SMARCA2: variants seen among roughly 807,000 people sequenced by gnomAD.
SMARCA2 encodes the protein SWI/SNF-related matrix-associated actin-dependent regulator of chromatin subfamily A member 2.
SMARCA2 carries 61 observed loss-of-function variants against 199.8 expected under a neutral mutation model. The observed-to-expected ratio is 0.31, with a 90% CI of 0.25 to 0.38. The LOEUF is 0.38. Among genes scored for constraint, SMARCA2 ranks in the 10% least tolerant of loss-of-function variants. The pLI, the probability that SMARCA2 is intolerant of heterozygous loss-of-function variation, is 1.00. For synonymous variants in SMARCA2, 935 were observed against 732.0 expected, an observed-to-expected ratio of 1.28 and a Z score of -4.48; for missense variants, 1,344 against 2,012.2, an observed-to-expected ratio of 0.67 and a Z score of 6.35.
At chr9:2,015,797 C>G (rs546996379) in intron 1 of SMARCA2, among the ~76,000 whole-genome samples, 33 of 152,350 alleles carry the variant, frequency 2.2e-4, no homozygotes, top group Admixed American at 1.2e-3. Context: ...GCGCTGCCAA[C>G]TCAAGGTTGC....
At chr9:2,069,441 C>T (rs952392832) in intron 9 of SMARCA2, among the ~76,000 whole-genome samples, 9 of 151,600 alleles carry the variant, frequency 5.9e-5, no homozygotes, top group East Asian at 2.0e-4. Flanking sequence ...CGCCTGTAGT[C>T]CCAGCTACTT....
At chr9:2,132,910 C>T (rs1011160902) in intron 27 of SMARCA2, among the ~76,000 whole-genome samples, 2 of 152,134 alleles carry the variant, frequency 1.3e-5, no homozygotes, top group African/African-American at 4.8e-5. Flanking sequence ...CTTAACATTT[C>T]CCATTTTATA....
intron 28 of SMARCA2, among the ~76,000 whole-genome samples, chr9:2,167,242 C>T (rs1563819377): frequency 6.6e-6 from 1 of 152,222 alleles, no homozygotes; most frequent in Non-Finnish European, 1.5e-5. Flanking sequence ...TATGCTCTTT[C>T]TATCAACTCT....
At chr9:2,187,796 A>G (rs1418081305) in intron 32 of SMARCA2, among the ~76,000 whole-genome samples, 1 of 152,158 alleles carries the variant, frequency 6.6e-6, no homozygotes, top group African/African-American at 2.4e-5. Flanking sequence ...TTTACAGTAT[A>G]AGCCGAGCCC....
At chr9:2,160,737 G>T (rs1825625262) in intron 27 of SMARCA2, 3 of 328,508 alleles carry the variant, frequency 9.1e-6, no homozygotes, top group Non-Finnish European at 1.7e-5. Context: ...TATTTTGTGT[G>T]AGAGAGCAAT....
intron 1 of SMARCA2, among the ~76,000 whole-genome samples, chr9:2,021,764 T>G (rs1406174371): frequency 6.6e-6 from 1 of 152,256 alleles, no homozygotes; most frequent in African/African-American, 2.4e-5. Context: ...TTTAATATTG[T>G]ATTTATAATA....
rs140259405 is a variant in SMARCA2 at position 2,190,977 on chromosome 9, G to A, written c.4595-289G>A. ...CACTTCCCCTCATTATCCTTGGTCA[G>A]CCATTGGGAGACAGGTGAAGGATCC... On this transcript the variant is annotated intron_variant, in intron 32 of 33. Transcript: ENST00000349721. 1.5e-3 allele frequency among the ~76,000 whole-genome samples: 228 copies of A among 152,278 alleles called. 2 individuals are homozygous for A. Among genetic ancestry groups the A allele is most frequent in the Admixed American group, 0.014 (214 of 15,298 alleles).
At chr9:2,118,337 G>A (rs1293119851) in intron 25 of SMARCA2, among the ~76,000 whole-genome samples, 1 of 152,174 alleles carries the variant, frequency 6.6e-6, no homozygotes, top group Non-Finnish European at 1.5e-5. Context: ...ATCTTGAATT[G>A]TAGATTTTTT....
chr9:2,047,116 T>G, intron 4 of SMARCA2, 113 bp from the exon 5 acceptor site: 2 of 810,056 alleles, frequency 2.5e-6, no homozygotes, highest in Non-Finnish European at 1.5e-6. Context: ...CCCTCAGGTG[T>G]TTAAGACACT....
Position 2,049,991 on chromosome 9 carries a change from T to G in SMARCA2, c.1046+2507T>G, listed in dbSNP as rs147955397. Reference sequence around the variant, plus strand: ...CATCTGTCAGAAATTCTTGAACAGATGTTAATTTCTTTGGGTCTTGTAATA... The same window carrying G: ...CATCTGTCAGAAATTCTTGAACAGAGGTTAATTTCTTTGGGTCTTGTAATA... On this transcript the variant is annotated intron_variant, in intron 5 of 33. Coordinates refer to ENST00000349721, the MANE Select transcript of SMARCA2 (RefSeq NM_003070.5). Among the ~76,000 whole-genome samples the G allele has an allele frequency of 1.4e-4, 21 of 152,368 alleles. No homozygotes were observed. The East Asian group carries it at 3.9e-3, about 28-fold the overall frequency.
chr9:2,143,164 A>G (rs1353405351), intron 27 of SMARCA2, among the ~76,000 whole-genome samples: 1 of 152,204 alleles, frequency 6.6e-6, no homozygotes, highest in African/African-American at 2.4e-5. Context: ...TTTTCTTAAA[A>G]GATGAGGATG....
In SMARCA2 at chr9:2,119,806, C is replaced by G. The variant is rs2130613321; in HGVS notation, c.3762+271C>G. 6.6e-6 allele frequency among the ~76,000 whole-genome samples: 1 copy of G among 152,314 alleles called. No individual in the cohort carries two copies. Among genetic ancestry groups the G allele is most frequent in the Admixed American group, 6.5e-5 (1 of 15,302 alleles). ...CTTGAAAAATGAGATCGGGCAGTAC[C>G]AGGCCCACATCTTTGTGTGGAAACA... On this transcript the variant is annotated intron_variant, in intron 26 of 33. Coordinates refer to ENST00000349721, the MANE Select transcript of SMARCA2 (RefSeq NM_003070.5). This position sits in a 1 kb window ranked among gnomAD's most constrained non-coding sequence, Gnocchi z 4.6.
At position 2,161,636 on chromosome 9, in the gene SMARCA2, C is replaced by G. The variant is rs761013058; in HGVS notation, c.3982-50C>G. On this transcript the variant is annotated intron_variant, in intron 27 of 33. Coordinates refer to ENST00000349721, the MANE Select transcript of SMARCA2 (RefSeq NM_003070.5). The surrounding 1 kb of genome is among the most constrained non-coding windows in gnomAD (Gnocchi z 4.7). ...ATAAATATACACATACTTTTTTTGT[C>G]TTGGTTATTCTCTTGTCTTGAATTT... 7.8e-7 allele frequency: 1 copy of G among 1,284,088 alleles called. No individual in the cohort carries two copies. Among genetic ancestry groups the G allele is most frequent in the Non-Finnish European group, 1.1e-6 (1 of 901,504 alleles). 79.5% of individuals were successfully genotyped at this position (1,284,088 alleles called of 1,614,324 possible).
At chr9:2,075,980 T>A (rs1821306594) in intron 12 of SMARCA2, among the ~76,000 whole-genome samples, 1 of 152,252 alleles carries the variant, frequency 6.6e-6, no homozygotes, top group African/African-American at 2.4e-5. Context: ...TACATACTCA[T>A]TCTTGGGAGC....
chr9:2,174,924 CAAAAAAAAAAAAAA>C (rs61327057), intron 29 of SMARCA2, among the ~76,000 whole-genome samples: 5 of 62,318 alleles, frequency 8.0e-5, no homozygotes, highest in Admixed American at 6.9e-4. Context: ...GACCCTCTCT[CAAAAAAAAAAAAAA>C]AAAAAAAAAA....
chr9:2,163,810 T>C (rs1179091342), intron 28 of SMARCA2, among the ~76,000 whole-genome samples: 1 of 152,166 alleles, frequency 6.6e-6, no homozygotes, highest in Non-Finnish European at 1.5e-5. Flanking sequence ...TCTAAGGTGA[T>C]GGCTGTGTCT....
intron 28 of SMARCA2, among the ~76,000 whole-genome samples, chr9:2,165,565 A>AT (rs1825893473): frequency 6.6e-6 from 1 of 152,182 alleles, no homozygotes; most frequent in Admixed American, 6.5e-5. Flanking sequence ...AGAAAACTTT[A>AT]TATCAAGTAG....
At chr9:2,078,424 A>G (rs564014240) in intron 14 of SMARCA2, among the ~76,000 whole-genome samples, 1 of 152,182 alleles carries the variant, frequency 6.6e-6, no homozygotes, top group South Asian at 2.1e-4. Context: ...GTGAGCCAAG[A>G]TCTTAGCACT....
chr9:2,123,817 T>C lies in SMARCA2; in HGVS notation c.3861T>C (p.Asp1287=), dbSNP rs1823570798. The change falls in exon 27 of 34, where the codon GAT becomes GAC. Residue 1287 remains aspartate (D), a synonymous_variant. Transcript: ENST00000349721. This position sits in a 1 kb window ranked among gnomAD's most constrained non-coding sequence, Gnocchi z 4.1. ...AGCTGCCCTCCTGGATCATTAAGGA[T>C]GACGCTGAAGTAGAAAGGCTCACCT... is the stretch of plus-strand genomic sequence containing the variant. The part of the protein sequence containing the change: ...EDELPSWIIK[D]DAEVERLTCE... 1 of 1,613,322 alleles carries C rather than the reference T, an allele frequency of 6.2e-7. No homozygotes were observed. Among genetic ancestry groups the C allele is most frequent in the African/African-American group, 1.3e-5 (1 of 74,890 alleles).
Sources: allele counts gnomAD v4.1 joint callset (sites outside exome capture counted in the v4.1 genomes callset), GRCh38; gene constraint gnomAD v4.1.1; non-coding constraint Gnocchi (gnomAD v3.1); transcripts MANE v1.5; gene names NCBI Gene and HGNC (gene_info 2026-07-23, HGNC 2026-07-21).